The following ENTPD1 variants were observed in gnomAD, a reference collection of about 807,000 sequenced individuals.
ENTPD1 encodes ATP diphosphohydrolase.
ENTPD1 carries 33 observed loss-of-function variants against 57.0 expected under a neutral mutation model. That is an observed-to-expected ratio of 0.58 (90% CI 0.44 to 0.77). The LOEUF is 0.77. Among genes scored for constraint, ENTPD1 ranks in the 30% least tolerant of loss-of-function variants. ENTPD1 has a pLI of 0.00. For missense variants in ENTPD1, 501 were observed against 603.4 expected (o/e 0.83, Z 1.78); for synonymous variants, 202 against 218.8 (o/e 0.92, Z 0.68).
At chr10:95,739,521 A>G (rs1393922714) in intron 1 of ENTPD1, among the ~76,000 whole-genome samples, 1 of 152,218 alleles carries the variant, frequency 6.6e-6, no homozygotes, top group Non-Finnish European at 1.5e-5. Flanking sequence ...GCAAGTCCTC[A>G]TCTGCTCCAT....
At chr10:95,714,121 G>A (rs1472102222) in intron 1 of ENTPD1, among the ~76,000 whole-genome samples, 1 of 152,010 alleles carries the variant, frequency 6.6e-6, no homozygotes, top group East Asian at 1.9e-4. Flanking sequence ...GACCAGCCTG[G>A]GCAACATAGT....
At chr10:95,698,883 T>A in the ENTPD1 span, among the ~76,000 whole-genome samples, 2 of 152,218 alleles carry the variant, frequency 1.3e-5, no homozygotes, top group Non-Finnish European at 2.9e-5. Context: ...GCAGGTGGAA[T>A]GCAATAAGCA....
intron 7 of ENTPD1, among the ~76,000 whole-genome samples, chr10:95,853,254 A>T (rs1277986547): frequency 6.6e-6 from 1 of 152,202 alleles, no homozygotes; most frequent in Non-Finnish European, 1.5e-5. Context: ...GTGTATAAGA[A>T]CGCTTGTGGT....
chr10:95,842,606 C>T, intron 4 of ENTPD1, 112 bp downstream of exon 4: 1 of 1,203,062 alleles, frequency 8.3e-7, no homozygotes. Flanking sequence ...TTCTACACAC[C>T]CAAGTCCATA....
At chr10:95,708,152 A>G (rs1021617409), upstream of ENTPD1, among the ~76,000 whole-genome samples, 3 of 151,932 alleles carry the variant, frequency 2.0e-5, no homozygotes, top group Non-Finnish European at 4.4e-5. Flanking sequence ...TTAAGTTTTT[A>G]TATGCATATG....
chr10:95,867,949 A>G lies in ENTPD1; in HGVS notation c.*1566A>G. 1 of 985,482 alleles carries G rather than the reference A, an allele frequency of 1.0e-6. No individual in the cohort carries two copies. The highest frequency in any genetic ancestry group is 4.7e-5 in the South Asian group (1 of 21,290). 61.0% of individuals were successfully genotyped at this position (985,482 alleles called of 1,614,324 possible). On this transcript the variant is annotated 3_prime_UTR_variant, in exon 10 of 10. Coordinates refer to ENST00000371205, the MANE Select transcript of ENTPD1 (RefSeq NM_001776.6). ...CTTTTCTGCTACTTAGGTTAAATTC[A>G]CTAGATCTTGATTAGGAATCAAAAT... is the stretch of plus-strand genomic sequence containing the variant.
chr10:95,852,611 G>C (rs1325556207), intron 7 of ENTPD1, among the ~76,000 whole-genome samples: 1 of 152,142 alleles, frequency 6.6e-6, no homozygotes, highest in East Asian at 1.9e-4. Flanking sequence ...TTTTGTCTAA[G>C]GTGTAAGGAA....
In ENTPD1 at chr10:95,866,783, G is replaced by T; in HGVS notation, c.*400G>T. On this transcript the variant is annotated 3_prime_UTR_variant, in exon 10 of 10. Coordinates refer to ENST00000371205, the MANE Select transcript of ENTPD1 (RefSeq NM_001776.6). ...AAGAATCTCAGGAACTGGTTCAGTT[G>T]TACTCTTTAAGAACCCCTTTCTCTC... 1 of 1,104,464 alleles carries T rather than the reference G, an allele frequency of 9.1e-7. No individual in the cohort carries two copies. The highest frequency in any genetic ancestry group is 2.4e-5 in the South Asian group (1 of 41,552). The allele number at this position is 1,104,464 out of a possible 1,614,324, so 68.4% of individuals were successfully genotyped here.
At chr10:95,807,547 C>A (rs373246941) in intron 1 of ENTPD1, among the ~76,000 whole-genome samples, 1 of 152,216 alleles carries the variant, frequency 6.6e-6, no homozygotes, top group East Asian at 1.9e-4. Flanking sequence ...TGAGTTGAAC[C>A]AGGTACCTCA....
At chr10:95,845,801 C>T (rs546778562) in intron 6 of ENTPD1, 5 of 698,926 alleles carry the variant, frequency 7.2e-6, no homozygotes, top group Middle Eastern at 2.5e-4. Context: ...TTGTTTACTG[C>T]GTTATCTCCA....
At chr10:95,724,012 A>G (rs1479758486) in intron 1 of ENTPD1, among the ~76,000 whole-genome samples, 2 of 152,036 alleles carry the variant, frequency 1.3e-5, no homozygotes, top group Middle Eastern at 3.4e-3. Flanking sequence ...ATACAAAAAA[A>G]TTAGCTGGGT....
At chr10:95,771,629 C>G (rs1332676762) in intron 1 of ENTPD1, among the ~76,000 whole-genome samples, 3 of 152,110 alleles carry the variant, frequency 2.0e-5, no homozygotes, top group African/African-American at 7.2e-5. Flanking sequence ...GACATTTAAC[C>G]TTTTCCTGAA....
intron 1 of ENTPD1, among the ~76,000 whole-genome samples, chr10:95,727,186 T>G (rs530544723): frequency 6.6e-6 from 1 of 152,288 alleles, no homozygotes; most frequent in African/African-American, 2.4e-5. Context: ...ATTTGAGTCA[T>G]AGTTTTGGTA....
chr10:95,722,002 GC>G (rs2097978003), intron 1 of ENTPD1, among the ~76,000 whole-genome samples: 1 of 152,158 alleles, frequency 6.6e-6, no homozygotes, highest in African/African-American at 2.4e-5. Context: ...CAACCCAGTT[GC>G]CCCATCAAGA....
At chr10:95,745,662 A>T (rs2098005234) in intron 1 of ENTPD1, among the ~76,000 whole-genome samples, 1 of 151,564 alleles carries the variant, frequency 6.6e-6, no homozygotes, top group African/African-American at 2.4e-5. Context: ...AGTTATAGCT[A>T]AAAAAACTAA....
intron 1 of ENTPD1, among the ~76,000 whole-genome samples, chr10:95,777,465 C>T (rs971161762): frequency 4.6e-5 from 7 of 152,232 alleles, no homozygotes; most frequent in Non-Finnish European, 1.0e-4. Context: ...CCAGCAGAGG[C>T]TGCAGAACAG....
intron 1 of ENTPD1, among the ~76,000 whole-genome samples, chr10:95,808,916 G>T (rs1448990387): frequency 6.6e-6 from 1 of 151,990 alleles, no homozygotes; most frequent in East Asian, 1.9e-4. Flanking sequence ...TTAGGGAGTG[G>T]TGATGACTCT....
chr10:95,860,586 A>G lies in ENTPD1; in HGVS notation c.1188+4A>G, dbSNP rs780832950. 6 of 1,612,158 alleles carry G rather than the reference A, an allele frequency of 3.7e-6. No individual in the cohort carries two copies. The highest frequency in any genetic ancestry group is 5.1e-6 in the Non-Finnish European group (6 of 1,178,492). ...CTGTGCTCAGCCTTGGGAGGAGGTAAGTGACTAGGCACAGCAGCTCTAACA... is the reference window on the plus strand; with the variant it reads ...CTGTGCTCAGCCTTGGGAGGAGGTAGGTGACTAGGCACAGCAGCTCTAACA... On this transcript the variant is annotated splice_donor_region_variant and intron_variant, in intron 8 of 9. Transcript: ENST00000371205.
At chr10:95,770,324 G>A (rs1324173481) in intron 1 of ENTPD1, among the ~76,000 whole-genome samples, 1 of 151,476 alleles carries the variant, frequency 6.6e-6, no homozygotes, top group Non-Finnish European at 1.5e-5. Flanking sequence ...AGGTGAGTAT[G>A]GTGTCCTGGG....
Sources: allele counts gnomAD v4.1 joint callset (sites outside exome capture counted in the v4.1 genomes callset), GRCh38; gene constraint gnomAD v4.1.1; transcripts MANE v1.5; gene names NCBI Gene and HGNC (gene_info 2026-07-23, HGNC 2026-07-21).